Variants in RAPGEF4 observed in about 807,000 individuals in gnomAD.
RAPGEF4 encodes Rap guanine nucleotide exchange factor 4.
In RAPGEF4, 66 loss-of-function variants were observed where a neutral mutation model predicts 147.9. That is an observed-to-expected ratio of 0.45 (90% confidence interval 0.37 to 0.55). The LOEUF (loss-of-function observed/expected upper bound fraction) is 0.55, where lower values mean the gene tolerates loss of function less well. Among genes scored for constraint, RAPGEF4 ranks in the 20% least tolerant of loss-of-function variants. The pLI, the probability that RAPGEF4 is intolerant of heterozygous loss-of-function variation, is 0.00. For synonymous variants in RAPGEF4, 419 were observed against 442.7 expected, an observed-to-expected ratio of 0.95 and a Z score of 0.67; for missense variants, 1,071 against 1,257.3, an observed-to-expected ratio of 0.85 and a Z score of 2.24.
intron 6 of RAPGEF4, among the ~76,000 whole-genome samples, chr2:172,949,860 G>A (rs149080772): frequency 6.6e-6 from 1 of 152,292 alleles, no homozygotes; most frequent in East Asian, 1.9e-4. Context: ...TTTATAGGGT[G>A]TTATTGTAAG....
In RAPGEF4 at chr2:172,832,175, G is replaced by A. The variant is rs145531585; in HGVS notation, c.444+17750G>A. 4.3e-3 allele frequency among the ~76,000 whole-genome samples: 647 copies of A among 152,180 alleles called. 2 individuals are homozygous for A. The highest frequency in any genetic ancestry group is 6.3e-3 in the Non-Finnish European group (428 of 67,994). On this transcript the variant is annotated intron_variant, in intron 4 of 30. Transcript: ENST00000397081. ...GGGCACCTGTTGTCTTTTGGTTGCC[G>A]GTTCCCTCTGGATCTTACCAGTTTT... is the stretch of plus-strand genomic sequence containing the variant.
intron 1 of RAPGEF4, among the ~76,000 whole-genome samples, chr2:172,789,133 A>T (rs1242858321): frequency 1.3e-5 from 2 of 152,060 alleles, no homozygotes; most frequent in African/African-American, 2.4e-5. Flanking sequence ...CAGCAAAAGA[A>T]CCTCTCACTC....
chr2:172,833,287 C>G (rs187593234), intron 4 of RAPGEF4, among the ~76,000 whole-genome samples: 3 of 139,292 alleles, frequency 2.2e-5, no homozygotes, highest in East Asian at 2.0e-4. Flanking sequence ...TGTCATTATT[C>G]CCTAAACAAT....
chr2:172,736,182 T>C lies in RAPGEF4; in HGVS notation c.65+134T>C, dbSNP rs907374961. On this transcript the variant is annotated intron_variant, in intron 1 of 30. Coordinates refer to ENST00000397081, the MANE Select transcript of RAPGEF4 (RefSeq NM_007023.4). ...CGGGGTCCCCGAGCGGGGGAAGGGG[T>C]TGAGGTCCTCGTCCGGGAGACAGGA... is the stretch of plus-strand genomic sequence containing the variant. 2.5e-5 allele frequency: 14 copies of C among 552,292 alleles called. No individual in the cohort carries two copies. In the African/African-American group the frequency reaches 2.6e-4, roughly 10 times the overall value. 34.2% of individuals were successfully genotyped at this position (552,292 alleles called of 1,614,324 possible).
intron 4 of RAPGEF4, among the ~76,000 whole-genome samples, chr2:172,896,292 T>G (rs1698472211): frequency 6.6e-6 from 1 of 152,228 alleles, no homozygotes; most frequent in African/African-American, 2.4e-5. Context: ...TTTATTTTAA[T>G]CGGCTTTTTA....
chr2:172,808,272 C>T (rs1050447951), intron 3 of RAPGEF4, among the ~76,000 whole-genome samples: 3 of 152,226 alleles, frequency 2.0e-5, no homozygotes, highest in South Asian at 2.1e-4. Flanking sequence ...ATAACTCAGA[C>T]GTACAAAGCA....
chr2:172,742,258 C>A (rs6748068), intron 1 of RAPGEF4, among the ~76,000 whole-genome samples: 1,821 of 152,168 alleles, frequency 0.012, 38 homozygotes, highest in African/African-American at 0.041. Flanking sequence ...TTCTTTTTTG[C>A]AGTTTGTTTG....
intron 4 of RAPGEF4, among the ~76,000 whole-genome samples, chr2:172,915,772 G>A (rs1177785100): frequency 6.6e-6 from 1 of 150,498 alleles, no homozygotes; most frequent in South Asian, 2.1e-4. Flanking sequence ...GTGGATAAAT[G>A]TGTAGATGAA....
chr2:172,877,493 G>A (rs532984520), intron 4 of RAPGEF4, among the ~76,000 whole-genome samples: 104 of 149,980 alleles, frequency 6.9e-4, no homozygotes, highest in African/African-American at 2.1e-3. Context: ...GTAACAAACC[G>A]TAAATTTTGC....
intron 6 of RAPGEF4, among the ~76,000 whole-genome samples, chr2:172,953,412 T>C (rs1688416739): frequency 1.3e-5 from 2 of 148,456 alleles, no homozygotes; most frequent in African/African-American, 4.9e-5. Flanking sequence ...AAAAAATAAC[T>C]GTTATATATT....
At chr2:172,953,592 A>G (rs935193401) in intron 6 of RAPGEF4, among the ~76,000 whole-genome samples, 2 of 152,128 alleles carry the variant, frequency 1.3e-5, no homozygotes, top group Admixed American at 1.3e-4. Flanking sequence ...TCTCTCTGGT[A>G]CTTAGCAACC....
chr2:172,981,314 G>T (rs1691657547), intron 10 of RAPGEF4, among the ~76,000 whole-genome samples: 1 of 152,174 alleles, frequency 6.6e-6, no homozygotes, highest in Non-Finnish European at 1.5e-5. Context: ...CGCATTAGCT[G>T]CCTCTATAGT....
chr2:173,018,946 C>T (rs936268362), intron 22 of RAPGEF4, 144 bp downstream of exon 22: 5 of 935,318 alleles, frequency 5.3e-6, no homozygotes, highest in Non-Finnish European at 7.9e-6. Flanking sequence ...ATAACAGAAA[C>T]AGTATGGGTA....
chr2:173,015,523 T>C (rs1575524154), intron 18 of RAPGEF4, among the ~76,000 whole-genome samples: 1 of 152,354 alleles, frequency 6.6e-6, no homozygotes, highest in East Asian at 1.9e-4. Context: ...TGAGGAAAGA[T>C]GGACCGAGAG....
At chr2:172,764,683 C>A (rs1351955382) in intron 1 of RAPGEF4, among the ~76,000 whole-genome samples, 2 of 152,178 alleles carry the variant, frequency 1.3e-5, no homozygotes, top group Admixed American at 1.3e-4. Context: ...CAATGACTTG[C>A]CCCTTTTGTG....
intron 19 of RAPGEF4, 98 bp downstream of exon 19, chr2:173,016,535 A>G: frequency 3.1e-6 from 3 of 977,392 alleles, no homozygotes; most frequent in Non-Finnish European, 4.8e-6. Flanking sequence ...TTCCATAGCC[A>G]TGCCCCGCTT....
chr2:172,902,515 C>T (rs1394547013), intron 4 of RAPGEF4, among the ~76,000 whole-genome samples: 6 of 152,146 alleles, frequency 3.9e-5, no homozygotes, highest in East Asian at 3.9e-4. Flanking sequence ...GTTGGCCAGG[C>T]TGGTCTCGAT....
rs562145274 is a variant in RAPGEF4, at chr2:173,030,164, C to G, written c.2559C>G (p.His853Gln). Residue 853 changes from histidine (H) to glutamine (Q), a missense_variant and splice_region_variant, in exon 26 of 31, where the codon CAC becomes CAG. Coordinates refer to ENST00000397081, the MANE Select transcript of RAPGEF4 (RefSeq NM_007023.4). ...LLKKFIKIAA[H>Q]CKEYKNLNSF... ...CAAACACGCATCTCCTGTGTTTCAG[C>G]TGTAAGGAGTATAAAAATCTGAATT... The G allele has an allele frequency of 3.7e-6, 6 of 1,605,136 alleles. No individual in the cohort carries two copies. The East Asian group carries it at 1.3e-4, about 36-fold the overall frequency.
At chr2:172,956,866 A>G (rs1254841678) in intron 6 of RAPGEF4, among the ~76,000 whole-genome samples, 1 of 152,186 alleles carries the variant, frequency 6.6e-6, no homozygotes, top group Non-Finnish European at 1.5e-5. Flanking sequence ...TATTGCTGGA[A>G]ATTCATCAGA....
Sources: allele counts gnomAD v4.1 joint callset (sites outside exome capture counted in the v4.1 genomes callset), GRCh38; gene constraint gnomAD v4.1.1; transcripts MANE v1.5; gene names NCBI Gene and HGNC (gene_info 2026-07-23, HGNC 2026-07-21).